The following OTULIN variants were observed in gnomAD, a reference collection of about 807,000 sequenced individuals.
OTULIN encodes ubiquitin thioesterase otulin.
Under a neutral mutation model 39.6 loss-of-function variants are expected in OTULIN, and 15 were observed. That is an observed-to-expected ratio of 0.38 (90% CI 0.25 to 0.58). The LOEUF (loss-of-function observed/expected upper bound fraction) is 0.58. Among genes scored for constraint, OTULIN ranks in the 20% least tolerant of loss-of-function variants. OTULIN has a pLI of 0.66. For missense variants in OTULIN, 319 were observed against 445.9 expected (o/e 0.72, Z 2.56); for synonymous variants, 156 against 170.3 (o/e 0.92, Z 0.65).
At chr5:14,701,759 C>T (rs1736800400), downstream of OTULIN, among the ~76,000 whole-genome samples, 2 of 152,262 alleles carry the variant, frequency 1.3e-5, no homozygotes, top group African/African-American at 4.8e-5. Flanking sequence ...GTGTCGTCCT[C>T]TCTGGCTGGG....
At chr5:14,665,215 G>A (rs749203365) in intron 1 of OTULIN, among the ~76,000 whole-genome samples, 30 of 152,216 alleles carry the variant, frequency 2.0e-4, no homozygotes, top group Non-Finnish European at 4.0e-4. Flanking sequence ...TCTCATTTTT[G>A]ATATCTGCAT....
Position 14,698,443 on chromosome 5 carries a change from G to A in OTULIN, c.*5395G>A, listed in dbSNP as rs1397662276. On this transcript the variant is annotated 3_prime_UTR_variant, in exon 7 of 7. Coordinates refer to ENST00000284274, the MANE Select transcript of OTULIN (RefSeq NM_138348.6). ...CACCTGCAGATGCGGTCAGTTGCCTGGCTCCTGGGGCCAGAGTTTCCTCTG... is the reference window on the plus strand; with the variant it reads ...CACCTGCAGATGCGGTCAGTTGCCTAGCTCCTGGGGCCAGAGTTTCCTCTG... The A allele has an allele frequency of 6.6e-6, 1 of 152,262 alleles. No individual in the cohort carries two copies. The highest frequency in any genetic ancestry group is 1.5e-5 in the Non-Finnish European group (1 of 68,060). 9.4% of individuals were successfully genotyped at this position (152,262 alleles called of 1,614,324 possible). A position where few individuals can be genotyped will look rare whatever the true frequency, so the allele number is the denominator to read the frequency against.
intron 2 of OTULIN, 136 bp from the exon 3 acceptor site, chr5:14,678,545 T>G: frequency 3.2e-6 from 2 of 623,856 alleles, no homozygotes; most frequent in South Asian, 4.4e-5. Context: ...GACCAGCGGT[T>G]AGGCAGTGGT....
downstream of OTULIN, among the ~76,000 whole-genome samples, chr5:14,699,905 A>G (rs557260057): frequency 6.6e-6 from 1 of 152,108 alleles, no homozygotes; most frequent in South Asian, 2.1e-4. Flanking sequence ...AACTCTCCCT[A>G]GTTGCCTGTG....
At chr5:14,678,492 G>A (rs1444845193) in intron 2 of OTULIN, among the ~76,000 whole-genome samples, 189 bp from the exon 3 acceptor site, 2 of 152,186 alleles carry the variant, frequency 1.3e-5, no homozygotes. Context: ...ACACCCATTG[G>A]GAGACCCCCA....
At chr5:14,711,396 C>CCCCCAAGACCCCGGTG in the OTULIN span, 3 of 1,171,334 alleles carry the variant, frequency 2.6e-6, no homozygotes, top group Non-Finnish European at 3.8e-6. Flanking sequence ...ACACCGGGGT[C>CCCCCAAGACCCCGGTG]TTGGGGGACC....
chr5:14,712,734 C>T, the OTULIN span: 442 of 851,542 alleles, frequency 5.2e-4, 1 homozygote, highest in African/African-American at 3.5e-3. Context: ...TTCCAGCCAC[C>T]CTAAGCCACG....
Position 14,664,987 on chromosome 5 carries a change from C to T in OTULIN, c.152+10C>T, listed in dbSNP as rs1579955441. 7 of 1,053,430 alleles carry T rather than the reference C, an allele frequency of 6.6e-6. No individual in the cohort carries two copies. In the East Asian group the frequency reaches 2.3e-4, roughly 35 times the overall value. The allele number at this position is 1,053,430 out of a possible 1,614,324, so 65.3% of individuals were successfully genotyped here. On this transcript the variant is annotated intron_variant, in intron 1 of 6. Coordinates refer to ENST00000284274, the MANE Select transcript of OTULIN (RefSeq NM_138348.6). The stretch of plus-strand genomic sequence containing the variant: ...AGTGCCCGGCCGAGCAGTGAGTCCG[C>T]GGGGGCGCGGGGCGCGGGCCGTGGG...
chr5:14,698,832 T>G lies in OTULIN; in HGVS notation c.*5784T>G, dbSNP rs1276119188. 6.6e-6 allele frequency: 1 copy of G among 152,328 alleles called. No individual in the cohort carries two copies. The highest frequency in any genetic ancestry group is 6.5e-5 in the Admixed American group (1 of 15,286). The allele number at this position is 152,328 out of a possible 1,614,324, so 9.4% of individuals were successfully genotyped here. A position where few individuals can be genotyped will look rare whatever the true frequency, so the allele number is the denominator to read the frequency against. ...TGAGATGAAGCAGTTAGCACAGTGC[T>G]TAACCCATACTAAGTGCCCCCAACC... On this transcript the variant is annotated 3_prime_UTR_variant, in exon 7 of 7. Transcript: ENST00000284274.
intron 5 of OTULIN, chr5:14,687,999 CT>C (rs1485669206): frequency 6.4e-6 from 1 of 157,232 alleles, no homozygotes; most frequent in African/African-American, 2.4e-5. Flanking sequence ...TTATTAAATT[CT>C]TTCCAATTAT....
At chr5:14,714,437 G>GC in the OTULIN span, among the ~76,000 whole-genome samples, 1 of 152,226 alleles carries the variant, frequency 6.6e-6, no homozygotes, top group East Asian at 1.9e-4. Flanking sequence ...GCAGGGCAGG[G>GC]CCTGGGCCTT....
downstream of OTULIN, among the ~76,000 whole-genome samples, chr5:14,704,165 A>G (rs988362228): frequency 6.6e-6 from 1 of 151,834 alleles, no homozygotes; most frequent in African/African-American, 2.4e-5. Context: ...CCCCGTCTCT[A>G]CTAAACATAC....
At chr5:14,668,970 G>T (rs1378221321) in intron 1 of OTULIN, among the ~76,000 whole-genome samples, 12 of 152,116 alleles carry the variant, frequency 7.9e-5, no homozygotes, top group Non-Finnish European at 1.8e-4. Flanking sequence ...AGAACAAGTG[G>T]TACCAGTTAT....
At chr5:14,707,487 G>A in the OTULIN span, 1 of 152,186 alleles carries the variant, frequency 6.6e-6, no homozygotes, top group Non-Finnish European at 1.5e-5. Context: ...AATTTTGAGA[G>A]TTACGATATG....
At chr5:14,675,344 T>C (rs1200640276) in intron 2 of OTULIN, among the ~76,000 whole-genome samples, 3 of 152,264 alleles carry the variant, frequency 2.0e-5, no homozygotes, top group African/African-American at 7.2e-5. Context: ...GAACAAATGA[T>C]ACACAGTGTG....
chr5:14,693,110 G>C lies in OTULIN; in HGVS notation c.*62G>C. 1 of 1,487,960 alleles carries C rather than the reference G, an allele frequency of 6.7e-7. No homozygotes were observed. Among genetic ancestry groups the C allele is most frequent in the South Asian group, 1.3e-5 (1 of 79,008 alleles). 92.2% of individuals were successfully genotyped at this position (1,487,960 alleles called of 1,614,324 possible). A position where few individuals can be genotyped will look rare whatever the true frequency, so the allele number is the denominator to read the frequency against. ...AGATGCACAGGTGGCTCCTGGGCTT[G>C]GGCTGCAGGTTTGGGGGTCTCTAAG... On this transcript the variant is annotated 3_prime_UTR_variant, in exon 7 of 7. Coordinates refer to ENST00000284274, the MANE Select transcript of OTULIN (RefSeq NM_138348.6).
At chr5:14,684,465 C>T (rs1736334954) in intron 4 of OTULIN, among the ~76,000 whole-genome samples, 1 of 152,192 alleles carries the variant, frequency 6.6e-6, no homozygotes, top group South Asian at 2.1e-4. Context: ...AGGAAGGGAC[C>T]CATAAGCTTA....
the OTULIN span, chr5:14,713,445 G>T: frequency 6.6e-7 from 1 of 1,504,024 alleles, no homozygotes; most frequent in Non-Finnish European, 9.1e-7. This position sits in a 1 kb window ranked among gnomAD's most constrained non-coding sequence, Gnocchi z 4.4. Context: ...GATTCTAGAC[G>T]TGCCTGGGGA....
the OTULIN span, chr5:14,713,018 C>T: frequency 6.4e-7 from 1 of 1,569,022 alleles, no homozygotes; most frequent in South Asian, 1.1e-5. This position sits in a 1 kb window ranked among gnomAD's most constrained non-coding sequence, Gnocchi z 4.4. Context: ...AAGGCCAAGT[C>T]AAGGCACAAC....
Sources: allele counts gnomAD v4.1 joint callset (sites outside exome capture counted in the v4.1 genomes callset), GRCh38; gene constraint gnomAD v4.1.1; non-coding constraint Gnocchi (gnomAD v3.1); transcripts MANE v1.5; gene names NCBI Gene and HGNC (gene_info 2026-07-23, HGNC 2026-07-21).